Variants in EYS observed in about 807,000 individuals in gnomAD.
EYS encodes EGF-like photoreceptor maintenance factor.
Under a neutral mutation model 282.1 loss-of-function variants are expected in EYS, and 250 were observed. That is an observed-to-expected ratio of 0.89 (90% CI 0.80 to 0.98). The LOEUF (loss-of-function observed/expected upper bound fraction) is 0.98. Ranked by LOEUF, EYS falls within the 50% of genes least tolerant of loss-of-function variation. The pLI is 0.00. For synonymous variants in EYS, 1,355 were observed against 1,282.9 expected (o/e 1.06, Z -1.20); for missense variants, 4,016 against 3,709.0 (o/e 1.08, Z -2.15).
chr6:64,167,242 A>G (rs1006901502), intron 31 of EYS, among the ~76,000 whole-genome samples: 4 of 152,224 alleles, frequency 2.6e-5, no homozygotes, highest in African/African-American at 9.6e-5. Flanking sequence ...GGTATATAAA[A>G]TGGTACCTAT....
intron 22 of EYS, among the ~76,000 whole-genome samples, chr6:64,778,322 G>C (rs889848914): frequency 2.0e-5 from 3 of 152,146 alleles, no homozygotes; most frequent in Non-Finnish European, 1.5e-5. Context: ...ATAAAATGTT[G>C]CTTGTCCAGC....
chr6:63,776,457 C>G (rs1770067293), intron 40 of EYS, among the ~76,000 whole-genome samples: 1 of 152,114 alleles, frequency 6.6e-6, no homozygotes, highest in African/African-American at 2.4e-5. Flanking sequence ...CTCACAGTCT[C>G]TGGGGCTTAT....
chr6:64,384,630 C>G (rs765657806), intron 29 of EYS, among the ~76,000 whole-genome samples: 2 of 152,198 alleles, frequency 1.3e-5, no homozygotes, highest in Non-Finnish European at 2.9e-5. Flanking sequence ...CCTTAACTAA[C>G]TTGGACCCGA....
At chr6:64,870,211 C>T (rs762488613) in intron 19 of EYS, among the ~76,000 whole-genome samples, 2 of 151,504 alleles carry the variant, frequency 1.3e-5, no homozygotes, top group Non-Finnish European at 3.0e-5. Context: ...AGCCTGCATA[C>T]ACCCCAAATC....
intron 22 of EYS, among the ~76,000 whole-genome samples, chr6:64,796,796 C>G (rs139735612): frequency 1.3e-5 from 2 of 152,030 alleles, no homozygotes; most frequent in Non-Finnish European, 2.9e-5. Context: ...TCCTAGACAC[C>G]GTTTAAGCCT....
At chr6:65,017,668 C>A (rs913775841) in intron 13 of EYS, among the ~76,000 whole-genome samples, 1 of 152,008 alleles carries the variant, frequency 6.6e-6, no homozygotes, top group African/African-American at 2.4e-5. Flanking sequence ...CATGAAGGAA[C>A]AAAATAAAAA....
intron 31 of EYS, among the ~76,000 whole-genome samples, chr6:64,088,180 T>C (rs914870532): frequency 3.9e-5 from 6 of 152,054 alleles, no homozygotes; most frequent in African/African-American, 9.7e-5. Flanking sequence ...ACAAGACTAA[T>C]TGGGGTTAGG....
At chr6:65,636,305 G>C (rs1255613417) in intron 2 of EYS, among the ~76,000 whole-genome samples, 2 of 152,134 alleles carry the variant, frequency 1.3e-5, no homozygotes, top group Non-Finnish European at 2.9e-5. Context: ...ACCCTACCTT[G>C]TTATTTCCAT....
At chr6:65,265,369 G>A (rs1299866587) in intron 12 of EYS, among the ~76,000 whole-genome samples, 1 of 151,916 alleles carries the variant, frequency 6.6e-6, no homozygotes, top group Non-Finnish European at 1.5e-5. Context: ...TATGGATTGT[G>A]TCACTATTAG....
intron 35 of EYS, among the ~76,000 whole-genome samples, chr6:63,973,661 A>G (rs1047870667): frequency 1.3e-5 from 2 of 152,190 alleles, no homozygotes; most frequent in Non-Finnish European, 2.9e-5. Flanking sequence ...AACTATGCAT[A>G]TCCCAGCACA....
intron 29 of EYS, among the ~76,000 whole-genome samples, chr6:64,307,377 G>C (rs1769494265): frequency 6.6e-6 from 1 of 152,008 alleles, no homozygotes; most frequent in Non-Finnish European, 1.5e-5. Flanking sequence ...TATAAAAGAA[G>C]GAAATCCTGC....
intron 12 of EYS, among the ~76,000 whole-genome samples, chr6:65,237,673 T>A (rs573938): frequency 0.39 from 58,699 of 151,956 alleles, 12,524 homozygotes; most frequent in African/African-American, 0.57. Flanking sequence ...CATTTACGAT[T>A]CTGATAAATA....
At chr6:64,745,780 C>CTTTTG (rs1192698454) in intron 22 of EYS, among the ~76,000 whole-genome samples, 1 of 152,094 alleles carries the variant, frequency 6.6e-6, no homozygotes, top group Non-Finnish European at 1.5e-5. Flanking sequence ...AGCATTATAG[C>CTTTTG]TTTTGTTTTG....
intron 29 of EYS, among the ~76,000 whole-genome samples, chr6:64,317,423 G>GA (rs35545495): frequency 1.1e-4 from 16 of 151,532 alleles, no homozygotes; most frequent in Middle Eastern, 3.4e-3. Context: ...CCAAACAGAT[G>GA]AAAAAAAGCT....
At chr6:65,162,754 T>C (rs182954948) in intron 12 of EYS, among the ~76,000 whole-genome samples, 259 of 151,266 alleles carry the variant, frequency 1.7e-3, no homozygotes, top group Non-Finnish European at 3.6e-4. Context: ...AGGTGCTCTG[T>C]GCCCTAAAAC....
At chr6:65,485,983 A>C (rs1049894656) in intron 5 of EYS, among the ~76,000 whole-genome samples, 3 of 152,222 alleles carry the variant, frequency 2.0e-5, no homozygotes, top group Non-Finnish European at 4.4e-5. Context: ...GGAATTTGTG[A>C]ATTTAGCAAA....
chr6:63,835,324 A>G (rs1238853430), intron 36 of EYS, among the ~76,000 whole-genome samples: 1 of 151,166 alleles, frequency 6.6e-6, no homozygotes, highest in Non-Finnish European at 1.5e-5. Flanking sequence ...ATATATACAT[A>G]TATACTCTCT....
intron 30 of EYS, among the ~76,000 whole-genome samples, chr6:64,261,605 A>T (rs973958884): frequency 1.3e-5 from 2 of 152,028 alleles, no homozygotes; most frequent in Non-Finnish European, 2.9e-5. Flanking sequence ...CTTCTCTGTT[A>T]ACTTAAAATG....
intron 35 of EYS, among the ~76,000 whole-genome samples, chr6:63,959,357 A>G (rs1467354029): frequency 6.6e-6 from 1 of 152,196 alleles, no homozygotes; most frequent in African/African-American, 2.4e-5. Context: ...AAAAGTCAAG[A>G]AACAATAGAT....
Sources: gnomAD v4.1 joint callset for allele counts (sites outside exome capture counted in the v4.1 genomes callset) on GRCh38, gnomAD v4.1.1 for gene constraint, MANE v1.5 for transcripts, NCBI Gene and HGNC (gene_info 2026-07-23, HGNC 2026-07-21) for gene names.